FOXK2: variants seen among roughly 807,000 people sequenced by gnomAD.
The protein encoded by FOXK2 is forkhead box K2.
A neutral mutation model predicts 53.3 loss-of-function variants in FOXK2; 24 were observed. The observed-to-expected ratio is 0.45, with a 90% confidence interval of 0.33 to 0.63. FOXK2 has a LOEUF of 0.63. Ranked by LOEUF, FOXK2 falls within the 30% of genes least tolerant of loss-of-function variation. The probability of loss-of-function intolerance (pLI) is 0.03; values close to 1 mark genes in which losing one functional copy is unlikely to be tolerated. For synonymous variants in FOXK2, 505 were observed against 407.1 expected (o/e 1.24, Z -2.89); for missense variants, 952 against 910.5 (o/e 1.05, Z -0.59).
At chr17:82,583,983 C>G in intron 5 of FOXK2, 30 bp from the exon 6 acceptor site, 1 of 1,560,236 alleles carries the variant, frequency 6.4e-7, no homozygotes, top group Non-Finnish European at 8.7e-7. Context: ...TCAGCTGTAA[C>G]CATGCAATGT....
intron 7 of FOXK2, 41 bp from the exon 8 acceptor site, chr17:82,587,022 T>G (rs1341548749): frequency 6.3e-7 from 1 of 1,585,682 alleles, no homozygotes; most frequent in Non-Finnish European, 8.7e-7. Context: ...TTTATTTGCT[T>G]TCCAGTAATA....
intron 8 of FOXK2, chr17:82,599,717 C>T (rs371684494): frequency 7.9e-5 from 12 of 152,392 alleles, no homozygotes; most frequent in Admixed American, 3.9e-4. Flanking sequence ...GACTCACATC[C>T]GCTCCGCTAG....
chr17:82,568,276 G>GTCAC lies in FOXK2; in HGVS notation c.762+80_762+83dup, dbSNP rs1215803460. The GTCAC allele has an allele frequency of 1.9e-6, 3 of 1,547,942 alleles. No individual in the cohort carries two copies. The African/African-American group carries it at 4.1e-5, about 21-fold the overall frequency. On this transcript the variant is annotated intron_variant, in intron 3 of 8. Transcript: ENST00000335255. ...ACAGGGCCCTCAATGTCACCTGCCT[G>GTCAC]TCACTCACCTGCCTGTCCAGTGACA...
chr17:82,577,816 C>T (rs1436168025), intron 4 of FOXK2, among the ~76,000 whole-genome samples: 1 of 152,162 alleles, frequency 6.6e-6, no homozygotes, highest in African/African-American at 2.4e-5. Flanking sequence ...CAGCTCACTG[C>T]AACCTTTGCC....
At chr17:82,601,219 G>A (rs1262763014) in intron 8 of FOXK2, 84 bp from the exon 9 acceptor site, 10 of 1,420,646 alleles carry the variant, frequency 7.0e-6, no homozygotes, top group South Asian at 1.3e-5. Flanking sequence ...TCTGACTCGC[G>A]AGGGTTCACG....
At position 82,603,629 on chromosome 17, in the gene FOXK2, G is replaced by T. The variant is rs138593217; in HGVS notation, c.*2130G>T. On this transcript the variant is annotated 3_prime_UTR_variant, in exon 9 of 9. Transcript: ENST00000335255. ...AACTGGTTACTTCTGATCCTGGAAC[G>T]TGGACTTCACATGATAGGTCTGGAT... 6.6e-6 allele frequency: 1 copy of T among 152,122 alleles called. No homozygotes were observed. The highest frequency in any genetic ancestry group is 1.5e-5 in the Non-Finnish European group (1 of 68,046). The allele number at this position is 152,122 out of a possible 1,614,324, so 9.4% of individuals were successfully genotyped here. A position where few individuals can be genotyped will look rare whatever the true frequency, so the allele number is the denominator to read the frequency against.
In FOXK2 at chr17:82,530,445, TA is replaced by T. The variant is rs919452670; in HGVS notation, c.419+10159del. Among the ~76,000 whole-genome samples the T allele has an allele frequency of 4.0e-3, 314 of 78,882 alleles. 1 individual carries two copies. Among genetic ancestry groups the T allele is most frequent in the Middle Eastern group, 9.1e-3 (1 of 110 alleles). 51.7% of individuals were successfully genotyped at this position (78,882 alleles called of 152,430 possible). On this transcript the variant is annotated intron_variant, in intron 1 of 8. Transcript: ENST00000335255. ...TGGGCAACAAGAGTGAAACTCCATC[TA>T]AAAAAAAAAAAAAAAAAAAAGAGAG...
intron 1 of FOXK2, among the ~76,000 whole-genome samples, chr17:82,547,249 A>G (rs897226292): frequency 2.6e-5 from 4 of 152,078 alleles, no homozygotes; most frequent in Admixed American, 6.6e-5. Context: ...GTGGTTCTCC[A>G]TTGTGGTTCC....
intron 4 of FOXK2, among the ~76,000 whole-genome samples, chr17:82,572,891 T>C (rs2143043913): frequency 6.6e-6 from 1 of 152,302 alleles, no homozygotes; most frequent in East Asian, 1.9e-4. Context: ...AAACATGTTA[T>C]GTTAAAAAAT....
intron 4 of FOXK2, 80 bp downstream of exon 4, chr17:82,571,950 G>C (rs3751909): frequency 0.064 from 88,947 of 1,397,146 alleles, 3,042 homozygotes; most frequent in Admixed American, 0.1. Context: ...CTGGAACACA[G>C]GCACAGGATA....
chr17:82,520,718 C>G (rs1006162283), intron 1 of FOXK2, among the ~76,000 whole-genome samples: 1 of 152,206 alleles, frequency 6.6e-6, no homozygotes, highest in Non-Finnish European at 1.5e-5. Flanking sequence ...TGTCTCTTAA[C>G]CGATGAAGGG....
intron 1 of FOXK2, among the ~76,000 whole-genome samples, chr17:82,543,711 GC>G (rs1207201103): frequency 6.6e-6 from 1 of 151,574 alleles, no homozygotes; most frequent in Non-Finnish European, 1.5e-5. Flanking sequence ...TGAACTCCTG[GC>G]CTCAAGTGAT....
At position 82,601,656 on chromosome 17, in the gene FOXK2, CAG is replaced by C; in HGVS notation, c.*159_*160del. On this transcript the variant is annotated 3_prime_UTR_variant, in exon 9 of 9. Transcript: ENST00000335255. ...AGCTGGCCTTAACACTCCTTAAAGA[CAG>C]AAGTCACACTTGAACAAAACCCACA... 1 of 654,146 alleles carries C rather than the reference CAG, an allele frequency of 1.5e-6. No homozygotes were observed. 40.5% of individuals were successfully genotyped at this position (654,146 alleles called of 1,614,324 possible).
At chr17:82,594,998 C>T (rs1218706479) in intron 8 of FOXK2, among the ~76,000 whole-genome samples, 1 of 152,138 alleles carries the variant, frequency 6.6e-6, no homozygotes, top group Non-Finnish European at 1.5e-5. Flanking sequence ...CGTGATCGCC[C>T]CACTGCACTC....
chr17:82,563,407 C>G lies in FOXK2; in HGVS notation c.473C>G (p.Ser158Cys). ...TNIKITFTAL[S>C]SEKREKQEAS... The stretch of plus-strand genomic sequence containing the variant: ...ATCAAGATAACGTTCACTGCCCTGT[C>G]CAGCGAGAAGAGAGAGAAGCAGGAG... Residue 158 changes from serine to cysteine, a missense_variant, in exon 2 of 9, where the codon TCC becomes TGC. Physicochemically the swap from Ser to Cys is moderately radical, Grantham distance 112. Around this residue, in one of 5 missense-constraint regions of FOXK2, gnomAD observed 76 missense variants for 128.2 expected, o/e 0.59. Coordinates refer to ENST00000335255, the MANE Select transcript of FOXK2 (RefSeq NM_004514.4). 6.2e-7 allele frequency: 1 copy of G among 1,614,144 alleles called. No individual in the cohort carries two copies. The highest frequency in any genetic ancestry group is 8.5e-7 in the Non-Finnish European group (1 of 1,180,042).
At chr17:82,543,398 A>C (rs1426718833) in intron 1 of FOXK2, among the ~76,000 whole-genome samples, 1 of 152,054 alleles carries the variant, frequency 6.6e-6, no homozygotes. Context: ...ATCTAAATGA[A>C]GGCTTCTTTT....
At chr17:82,527,771 G>T (rs1399560369) in intron 1 of FOXK2, among the ~76,000 whole-genome samples, 1 of 152,054 alleles carries the variant, frequency 6.6e-6, no homozygotes, top group African/African-American at 2.4e-5. Context: ...TCACCTTAGT[G>T]TTTAGTACTT....
chr17:82,547,902 C>T, intron 1 of FOXK2, among the ~76,000 whole-genome samples: 1 of 152,192 alleles, frequency 6.6e-6, no homozygotes, highest in South Asian at 2.1e-4. Context: ...TTGGCTCGCT[C>T]TTATTCACAT....
At position 82,560,762 on chromosome 17, in the gene FOXK2, C is replaced by T. The variant is rs1010682654; in HGVS notation, c.420-2592C>T. On this transcript the variant is annotated intron_variant, in intron 1 of 8. Transcript: ENST00000335255. ...CCTGTAATTTCAGCACTTTTGGAGACTGAGGTGGGTGGATCACTTGAGCCC... is the reference window on the plus strand; with the variant it reads ...CCTGTAATTTCAGCACTTTTGGAGATTGAGGTGGGTGGATCACTTGAGCCC... Among the ~76,000 whole-genome samples, 4 of 152,084 alleles carry T rather than the reference C, an allele frequency of 2.6e-5. 1 individual carries two copies. Among genetic ancestry groups the T allele is most frequent in the Admixed American group, 2.0e-4 (3 of 15,256 alleles).
Sources: allele counts gnomAD v4.1 joint callset (sites outside exome capture counted in the v4.1 genomes callset), GRCh38; gene constraint gnomAD v4.1.1; regional missense constraint gnomAD v4.1.1; transcripts MANE v1.5; gene names NCBI Gene and HGNC (gene_info 2026-07-23, HGNC 2026-07-21).